METRNL: variants seen among roughly 807,000 people sequenced by gnomAD.
METRNL encodes the protein meteorin-like protein.
In METRNL, 9 loss-of-function variants were observed where a neutral mutation model predicts 17.4. That is an observed-to-expected ratio of 0.52 (90% CI 0.31 to 0.90). METRNL has a LOEUF of 0.90. Ranked by LOEUF, METRNL falls within the 40% of genes least tolerant of loss-of-function variation. The probability of loss-of-function intolerance (pLI) is 0.05; values close to 1 mark genes in which losing one functional copy is unlikely to be tolerated. For synonymous variants in METRNL, 215 were observed against 199.3 expected (o/e 1.08, Z -0.66); for missense variants, 408 against 430.7 (o/e 0.95, Z 0.47).
chr17:83,079,837 G>A lies in METRNL; in HGVS notation c.22G>A (p.Ala8Thr), dbSNP rs1353772103. 3.1e-6 allele frequency: 3 copies of A among 974,412 alleles called. No individual in the cohort carries two copies. Among genetic ancestry groups the A allele is most frequent in the Non-Finnish European group, 3.6e-6 (3 of 823,960 alleles). 60.4% of individuals were successfully genotyped at this position (974,412 alleles called of 1,614,324 possible). Residue 8 changes from alanine (A) to threonine (T), a missense_variant, in exon 1 of 4, where the codon GCC (alanine) becomes ACC (threonine). Physicochemically the swap from Ala to Thr is moderately conservative, Grantham distance 58 (BLOSUM62 0). Transcript: ENST00000320095. MRGAARAAWGRAGQPWPR... is the reference protein window; with the variant it reads MRGAARATWGRAGQPWPR... ...GAGCATGCGGGGCGCGGCGCGGGCG[G>A]CCTGGGGGCGCGCGGGGCAGCCGTG...
intron 2 of METRNL, among the ~76,000 whole-genome samples, chr17:83,090,399 A>C (rs1362784594): frequency 1.8e-3 from 1 of 566 alleles, no homozygotes; most frequent in Non-Finnish European, 2.3e-3. Flanking sequence ...CCACACACAC[A>C]CCCCCCGCCC....
chr17:83,087,966 G>A (rs1160862167), intron 2 of METRNL, among the ~76,000 whole-genome samples: 3 of 152,222 alleles, frequency 2.0e-5, no homozygotes, highest in African/African-American at 4.8e-5. Flanking sequence ...CCCCCGCTCC[G>A]GTGGGTTTCG....
Position 83,094,688 on chromosome 17 carries a change from C to T in METRNL, c.*113C>T, listed in dbSNP as rs1421389052. 3.6e-6 allele frequency: 3 copies of T among 831,522 alleles called. No individual in the cohort carries two copies. The highest frequency in any genetic ancestry group is 4.0e-5 in the South Asian group (1 of 24,692). 51.5% of individuals were successfully genotyped at this position (831,522 alleles called of 1,614,324 possible). ...CGCGCTGGGAGCCGCATGCCCTGGGCCCAGGCCTGACCCTGGTACCGAAGC... is the reference window on the plus strand; with the variant it reads ...CGCGCTGGGAGCCGCATGCCCTGGGTCCAGGCCTGACCCTGGTACCGAAGC... On this transcript the variant is annotated 3_prime_UTR_variant, in exon 4 of 4. Coordinates refer to ENST00000320095, the MANE Select transcript of METRNL (RefSeq NM_001004431.3).
chr17:83,084,656 G>A, intron 1 of METRNL: 1 of 505,826 alleles, frequency 2.0e-6, no homozygotes, highest in Non-Finnish European at 3.5e-6. Context: ...GAGGGCCTGG[G>A]GACAAGCACC....
intron 2 of METRNL, among the ~76,000 whole-genome samples, chr17:83,092,013 AGG>A (rs2038143483): frequency 6.6e-6 from 1 of 152,224 alleles, no homozygotes; most frequent in Non-Finnish European, 1.5e-5. Context: ...GGCGAAGGGC[AGG>A]GCGAGGGCTG....
At chr17:83,093,337 C>T (rs1001015543) in intron 3 of METRNL, 111 bp downstream of exon 3, 31 of 900,130 alleles carry the variant, frequency 3.4e-5, no homozygotes, top group Middle Eastern at 2.6e-4. Flanking sequence ...TCCGGTGCTG[C>T]GTGGACCCTC....
chr17:83,089,598 C>T (rs994940679), intron 2 of METRNL, among the ~76,000 whole-genome samples: 5 of 152,072 alleles, frequency 3.3e-5, no homozygotes, highest in Non-Finnish European at 7.4e-5. Context: ...CACCCCAGCC[C>T]TCCCCCTCCG....
intron 2 of METRNL, among the ~76,000 whole-genome samples, chr17:83,088,012 G>A (rs1222263912): frequency 6.6e-6 from 1 of 152,180 alleles, no homozygotes; most frequent in East Asian, 1.9e-4. Context: ...CTGCATAATC[G>A]GCTTCCTTGA....
At chr17:83,087,906 G>A (rs1213901679) in intron 2 of METRNL, among the ~76,000 whole-genome samples, 7 of 151,678 alleles carry the variant, frequency 4.6e-5, no homozygotes, top group East Asian at 1.9e-4. Flanking sequence ...CTGGAACCCC[G>A]GACAGGAGAG....
intron 2 of METRNL, among the ~76,000 whole-genome samples, chr17:83,091,925 C>T: frequency 6.6e-6 from 1 of 152,332 alleles, no homozygotes; most frequent in Non-Finnish European, 1.5e-5. Context: ...CCATGTTTTC[C>T]AAGTCCGTCC....
intron 1 of METRNL, chr17:83,084,556 C>T: frequency 4.3e-6 from 1 of 231,610 alleles, no homozygotes; most frequent in Non-Finnish European, 8.3e-6. Context: ...CCCAGCACCT[C>T]CAGCCACCCT....
chr17:83,082,114 C>T (rs951058081), intron 1 of METRNL: 3 of 985,416 alleles, frequency 3.0e-6, no homozygotes, highest in Middle Eastern at 5.2e-4. Flanking sequence ...TGGGGGGAGG[C>T]GGGACCAGCG....
At chr17:83,094,046 C>A (rs953617599) in intron 3 of METRNL, among the ~76,000 whole-genome samples, 1 of 152,224 alleles carries the variant, frequency 6.6e-6, no homozygotes, top group Non-Finnish European at 1.5e-5. Context: ...GGCACCTGTT[C>A]TCTGACGATG....
At chr17:83,087,102 C>T (rs2143630552) in intron 2 of METRNL, among the ~76,000 whole-genome samples, 1 of 152,278 alleles carries the variant, frequency 6.6e-6, no homozygotes, top group East Asian at 1.9e-4. Flanking sequence ...TGGGTCCTCG[C>T]TCACCCTCCG....
intron 2 of METRNL, among the ~76,000 whole-genome samples, 195 bp downstream of exon 2, chr17:83,085,518 G>A (rs966796466): frequency 1.3e-5 from 2 of 152,250 alleles, no homozygotes; most frequent in East Asian, 1.9e-4. Flanking sequence ...ACTGGCGCCC[G>A]CAGAGGGGCC....
chr17:83,085,760 C>G (rs537988332), intron 2 of METRNL, among the ~76,000 whole-genome samples: 1 of 152,338 alleles, frequency 6.6e-6, no homozygotes, highest in South Asian at 2.1e-4. Context: ...GGACGCGCCC[C>G]CATGCTTGTG....
At chr17:83,085,582 A>G (rs935730254) in intron 2 of METRNL, among the ~76,000 whole-genome samples, 2 of 152,156 alleles carry the variant, frequency 1.3e-5, no homozygotes, top group African/African-American at 2.4e-5. Flanking sequence ...AAACTAAACC[A>G]TCTTGGAAAT....
rs572585284 is a variant in METRNL at position 83,082,266 on chromosome 17, C to T, written c.170+2281C>T. On this transcript the variant is annotated intron_variant, in intron 1 of 3. Coordinates refer to ENST00000320095, the MANE Select transcript of METRNL (RefSeq NM_001004431.3). ...AGGAAAGTTAACCTGCCAGTGGGTT[C>T]GAAGCCCTTCCTGACTTTCATACAG... 6 of 985,260 alleles carry T rather than the reference C, an allele frequency of 6.1e-6. No homozygotes were observed. In the African/African-American group the frequency reaches 7.0e-5, roughly 11 times the overall value. 61.0% of individuals were successfully genotyped at this position (985,260 alleles called of 1,614,324 possible). A position where few individuals can be genotyped will look rare whatever the true frequency, so the allele number is the denominator to read the frequency against.
At chr17:83,091,692 G>A (rs570047754) in intron 2 of METRNL, among the ~76,000 whole-genome samples, 27 of 152,350 alleles carry the variant, frequency 1.8e-4, no homozygotes, top group South Asian at 1.7e-3. Context: ...GGGTGCAGAC[G>A]GCGTTAGCTT....
Sources: gnomAD v4.1 joint callset for allele counts (sites outside exome capture counted in the v4.1 genomes callset) on GRCh38, gnomAD v4.1.1 for gene constraint, MANE v1.5 for transcripts, NCBI Gene and HGNC (gene_info 2026-07-23, HGNC 2026-07-21) for gene names.